GPR174: variants seen among roughly 807,000 people sequenced by gnomAD.
GPR174 encodes G protein-coupled receptor 174.
A neutral mutation model predicts 16.5 loss-of-function variants in GPR174; 8 were observed. The observed-to-expected ratio is 0.48, with a 90% CI of 0.28 to 0.87. The LOEUF is 0.87. Among genes scored for constraint, GPR174 ranks in the 40% least tolerant of loss-of-function variants. The pLI is 0.09. For missense variants in GPR174, 214 were observed against 247.5 expected (o/e 0.86, Z 0.91); for synonymous variants, 111 against 94.8 (o/e 1.17, Z -0.99).
intron 2 of GPR174, among the ~76,000 whole-genome samples, chrX:79,166,072 C>T (rs1859396922): frequency 9.0e-6 from 1 of 110,824 alleles, no homozygotes; most frequent in Non-Finnish European, 1.9e-5. Context: ...CTTCTCATCA[C>T]TTCTACTAAG....
At chrX:79,156,410 G>A (rs1921100060) in intron 1 of GPR174, among the ~76,000 whole-genome samples, 3 of 112,479 alleles carry the variant, frequency 2.7e-5, no homozygotes, top group African/African-American at 6.4e-5. Context: ...CAATGAAACA[G>A]TTATGGTCAT....
In GPR174 at chrX:79,172,092, G is replaced by T. The variant is rs1245257229; in HGVS notation, c.*83G>T. On this transcript the variant is annotated 3_prime_UTR_variant, in exon 3 of 3. Coordinates refer to ENST00000645147, the MANE Select transcript of GPR174 (RefSeq NM_032553.3). ...ATACCCAAGCCACAGGGAAGAACTT[G>T]CAAAACAACACAGCTTTTCAGTTCT... is the stretch of plus-strand genomic sequence containing the variant. The T allele has an allele frequency of 7.2e-6, 7 of 968,394 alleles. No homozygotes were observed. The African/African-American group carries it at 7.9e-5, about 11-fold the overall frequency. The allele number at this position is 968,394 out of a possible 1,213,427, so 79.8% of individuals were successfully genotyped here.
In GPR174 at chrX:79,171,568, C is replaced by T. The variant is rs1921516755; in HGVS notation, c.561C>T (p.Thr187=). 1 of 1,210,998 alleles carries T rather than the reference C, an allele frequency of 8.3e-7. No homozygotes were observed. Among genetic ancestry groups the T allele is most frequent in the Non-Finnish European group, 1.1e-6 (1 of 895,247 alleles). ...TGGCCCAGTCCGTTGTTATGATGAC[C>T]ATTGGCGAGTTGATTGGGTTTGTAA... The part of the protein sequence containing the change: ...VNLAQSVVMM[T]IGELIGFVTP... Residue 187 remains threonine (T), a synonymous_variant, in exon 3 of 3, where the codon ACC becomes ACT. Transcript: ENST00000645147.
At chrX:79,156,972 T>C (rs1027308975) in intron 2 of GPR174, 54 bp downstream of exon 2, 5 of 111,966 alleles carry the variant, frequency 4.5e-5, no homozygotes, top group South Asian at 3.7e-4. Flanking sequence ...AAAATAATAC[T>C]GTTTTACCCT....
rs577811093 is a variant in GPR174 at position 79,174,706 on chromosome X, C to T, written c.*2697C>T. The T allele has an allele frequency of 1.8e-5, 2 of 111,386 alleles. No individual in the cohort carries two copies. Among genetic ancestry groups the T allele is most frequent in the South Asian group, 3.8e-4 (1 of 2,614 alleles). 9.2% of individuals were successfully genotyped at this position (111,386 alleles called of 1,213,427 possible). ...TCTTTTCATTTTGCCTCTCTCCTTT[C>T]CTACGTTGGGCCTGATTTTCAGGGG... On this transcript the variant is annotated 3_prime_UTR_variant, in exon 3 of 3. Coordinates refer to ENST00000645147, the MANE Select transcript of GPR174 (RefSeq NM_032553.3).
intron 2 of GPR174, among the ~76,000 whole-genome samples, chrX:79,166,948 C>T (rs1203645829): frequency 9.0e-6 from 1 of 111,597 alleles, no homozygotes; most frequent in Non-Finnish European, 1.9e-5. Context: ...CACAAATAAA[C>T]TGCTTTGGGA....
intron 1 of GPR174, among the ~76,000 whole-genome samples, chrX:79,154,696 G>A (rs1921055420): frequency 9.0e-6 from 1 of 111,100 alleles, no homozygotes; most frequent in Admixed American, 9.6e-5. Flanking sequence ...TAACCTCAGG[G>A]ATAATCTAGT....
At chrX:79,152,532 C>T (rs1359791126) in intron 1 of GPR174, among the ~76,000 whole-genome samples, 1 of 111,589 alleles carries the variant, frequency 9.0e-6, no homozygotes, top group East Asian at 2.8e-4. Flanking sequence ...GCTTGTCTGT[C>T]TCCTGATAAT....
At chrX:79,158,696 C>A (rs1184753649) in intron 2 of GPR174, among the ~76,000 whole-genome samples, 5 of 106,450 alleles carry the variant, frequency 4.7e-5, no homozygotes, top group Admixed American at 3.1e-4. Flanking sequence ...CCTGCCTCAG[C>A]CTGCCCAAGT....
At chrX:79,155,441 C>T (rs138329551) in intron 1 of GPR174, among the ~76,000 whole-genome samples, 1,603 of 111,260 alleles carry the variant, frequency 0.014, 30 homozygotes, top group African/African-American at 0.05. Context: ...TAATCCTGAT[C>T]ACTATTTTTT....
At chrX:79,162,603 C>A (rs1921261967) in intron 2 of GPR174, among the ~76,000 whole-genome samples, 1 of 111,863 alleles carries the variant, frequency 8.9e-6, no homozygotes, top group Non-Finnish European at 1.9e-5. Context: ...ATTCTGTAAA[C>A]ATACAAGGAC....
chrX:79,152,553 T>G (rs1926622920), intron 1 of GPR174, among the ~76,000 whole-genome samples: 1 of 111,553 alleles, frequency 9.0e-6, no homozygotes, highest in African/African-American at 3.3e-5. Flanking sequence ...CCTAATTATT[T>G]CCCACCACAT....
intron 1 of GPR174, among the ~76,000 whole-genome samples, chrX:79,152,206 C>G (rs1377907162): frequency 9.0e-6 from 1 of 111,630 alleles, no homozygotes; most frequent in Non-Finnish European, 1.9e-5. Context: ...TGCTGGCTTC[C>G]TAGTGCATTC....
intron 2 of GPR174, 144 bp from the exon 3 acceptor site, chrX:79,170,308 G>A (rs1186114486): frequency 2.5e-4 from 28 of 110,690 alleles, no homozygotes; most frequent in African/African-American, 8.9e-4. Context: ...TGATTATAAA[G>A]TGCCTTGTAG....
Position 79,174,510 on chromosome X carries a change from G to C in GPR174, c.*2501G>C, listed in dbSNP as rs1025949720. 7.3e-5 allele frequency: 8 copies of C among 109,404 alleles called. No homozygotes were observed. The highest frequency in any genetic ancestry group is 2.7e-4 in the African/African-American group (8 of 29,994). 9.0% of individuals were successfully genotyped at this position (109,404 alleles called of 1,213,427 possible). The stretch of plus-strand genomic sequence containing the variant: ...GGGCTAATACATACTGAAGCAGACA[G>C]ACTGGAGGGAAAGAAATTTTGGATA... On this transcript the variant is annotated 3_prime_UTR_variant, in exon 3 of 3. Coordinates refer to ENST00000645147, the MANE Select transcript of GPR174 (RefSeq NM_032553.3).
chrX:79,170,159 G>A (rs970481019), intron 2 of GPR174, among the ~76,000 whole-genome samples: 5 of 111,478 alleles, frequency 4.5e-5, no homozygotes, highest in African/African-American at 1.6e-4. Flanking sequence ...TTGTTAAAAC[G>A]CAGATCTTGA....
chrX:79,164,523 C>T (rs1455279442), intron 2 of GPR174, among the ~76,000 whole-genome samples: 1 of 111,399 alleles, frequency 9.0e-6, no homozygotes, highest in Non-Finnish European at 1.9e-5. Flanking sequence ...TGGTTTGTTT[C>T]TACTAATCAG....
At position 79,171,976 on chromosome X, in the gene GPR174, T is replaced by C. The variant is rs1921528706; in HGVS notation, c.969T>C (p.His323=). 5.8e-6 allele frequency: 7 copies of C among 1,199,376 alleles called. No homozygotes were observed. The highest frequency in any genetic ancestry group is 2.3e-4 in the Middle Eastern group (1 of 4,292). Residue 323 remains histidine (H), a synonymous_variant, in exon 3 of 3, where the codon CAT becomes CAC. Coordinates refer to ENST00000645147, the MANE Select transcript of GPR174 (RefSeq NM_032553.3). Reference sequence around the variant, plus strand: ...ATGCAAAATCCTTTGTGAGTAACCATACAGCTTCCACCATGACACCTGAAT... The same window carrying C: ...ATGCAAAATCCTTTGTGAGTAACCACACAGCTTCCACCATGACACCTGAAT... ...QLHAKSFVSN[H]TASTMTPELC
chrX:79,167,631 T>C lies in GPR174; in HGVS notation c.-556-2821T>C, dbSNP rs759200395. On this transcript the variant is annotated intron_variant, in intron 2 of 2. Coordinates refer to ENST00000645147, the MANE Select transcript of GPR174 (RefSeq NM_032553.3). ...TTAAGAAATCTGAGAAAAGGCAATA[T>C]GACTGGTGATGTGAGACTGAGTGAC... is the stretch of plus-strand genomic sequence containing the variant. 8.1e-5 allele frequency among the ~76,000 whole-genome samples: 9 copies of C among 111,493 alleles called. No individual in the cohort carries two copies. The East Asian group carries it at 2.5e-3, about 31-fold the overall frequency.
Sources: allele counts gnomAD v4.1 joint callset (sites outside exome capture counted in the v4.1 genomes callset), GRCh38; gene constraint gnomAD v4.1.1; transcripts MANE v1.5; gene names NCBI Gene and HGNC (gene_info 2026-07-23, HGNC 2026-07-21).